NEGR1: variants seen among roughly 807,000 people sequenced by gnomAD.
NEGR1 encodes IgLON family member 4.
In NEGR1, 10 loss-of-function variants were observed where a neutral mutation model predicts 40.9. That is an observed-to-expected ratio of 0.24 (90% CI 0.15 to 0.42). The LOEUF (loss-of-function observed/expected upper bound fraction) is 0.42. NEGR1 is among the 10% of genes least tolerant of loss of function. NEGR1 has a pLI of 1.00. For missense variants in NEGR1, 352 were observed against 438.9 expected, an observed-to-expected ratio of 0.80 and a Z score of 1.77; for synonymous variants, 185 against 166.8, an observed-to-expected ratio of 1.11 and a Z score of -0.84.
chr1:71,632,418 A>G (rs907990720), intron 4 of NEGR1, among the ~76,000 whole-genome samples: 1 of 151,246 alleles, frequency 6.6e-6, no homozygotes, highest in Non-Finnish European at 1.5e-5. Flanking sequence ...CACCTTTAAC[A>G]TTACTCTTAT....
intron 1 of NEGR1, among the ~76,000 whole-genome samples, chr1:72,155,633 C>A (rs538352548): frequency 1.3e-5 from 2 of 152,126 alleles, no homozygotes; most frequent in East Asian, 1.9e-4. Flanking sequence ...CTGAACCATG[C>A]AGAATCTATT....
At chr1:71,529,146 G>A (rs1647286087) in intron 6 of NEGR1, among the ~76,000 whole-genome samples, 2 of 151,092 alleles carry the variant, frequency 1.3e-5, no homozygotes, top group Admixed American at 6.6e-5. Flanking sequence ...ACAAAGTAAG[G>A]ACAGATGCTA....
At chr1:71,931,540 C>T (rs757789156) in intron 2 of NEGR1, among the ~76,000 whole-genome samples, 1 of 152,084 alleles carries the variant, frequency 6.6e-6, no homozygotes, top group Admixed American at 6.6e-5. Flanking sequence ...CATCCCATGA[C>T]AGAAAACAGA....
intron 1 of NEGR1, among the ~76,000 whole-genome samples, chr1:71,966,901 G>A (rs1646214213): frequency 6.6e-6 from 1 of 152,092 alleles, no homozygotes; most frequent in Admixed American, 6.5e-5. Flanking sequence ...AAGAAAATAA[G>A]CAGCTTTTAC....
chr1:72,262,306 C>T (rs533842416), intron 1 of NEGR1, among the ~76,000 whole-genome samples: 37 of 152,148 alleles, frequency 2.4e-4, no homozygotes, highest in South Asian at 1.7e-3. Flanking sequence ...TGTGCCCTGC[C>T]TGAGTTCTGG....
chr1:71,568,290 C>A (rs1648687152), intron 6 of NEGR1, among the ~76,000 whole-genome samples: 1 of 152,144 alleles, frequency 6.6e-6, no homozygotes, highest in Non-Finnish European at 1.5e-5. Flanking sequence ...CTATCTTAAA[C>A]CACAAAGTAT....
At chr1:71,670,553 C>T (rs929024601) in intron 4 of NEGR1, among the ~76,000 whole-genome samples, 1 of 151,286 alleles carries the variant, frequency 6.6e-6, no homozygotes, top group Non-Finnish European at 1.5e-5. Context: ...TAAGTTGTAA[C>T]AGTTTTTTAC....
At position 71,898,981 on chromosome 1, in the gene NEGR1, CATATATATAT is replaced by C. The variant is rs55674579; in HGVS notation, c.409+36088_409+36097del. ...ATATATAGCATATATATATATATAG[CATATATATAT>C]ATATATATATATATATATATATATG... On this transcript the variant is annotated intron_variant, in intron 2 of 6. Transcript: ENST00000357731. 7.2e-4 allele frequency among the ~76,000 whole-genome samples: 37 copies of C among 51,302 alleles called. 2 individuals are homozygous for C. Among genetic ancestry groups the C allele is most frequent in the South Asian group, 2.6e-3 (4 of 1,528 alleles). 33.7% of individuals were successfully genotyped at this position (51,302 alleles called of 152,430 possible). A position where few individuals can be genotyped will look rare whatever the true frequency, so the allele number is the denominator to read the frequency against.
chr1:72,223,772 T>C (rs1654087271), intron 1 of NEGR1, among the ~76,000 whole-genome samples: 1 of 152,158 alleles, frequency 6.6e-6, no homozygotes. Context: ...AAATACTATT[T>C]ATTAAGTCAA....
intron 6 of NEGR1, among the ~76,000 whole-genome samples, chr1:71,530,967 T>C (rs769994698): frequency 2.6e-5 from 4 of 151,282 alleles, no homozygotes; most frequent in Non-Finnish European, 4.4e-5. Flanking sequence ...GGAACACTTA[T>C]AGTTACTTTA....
At chr1:71,843,457 T>A (rs559280796) in intron 2 of NEGR1, among the ~76,000 whole-genome samples, 1 of 152,236 alleles carries the variant, frequency 6.6e-6, no homozygotes, top group South Asian at 2.1e-4. Flanking sequence ...TCAAACCAGG[T>A]GATTTTTCCC....
intron 1 of NEGR1, among the ~76,000 whole-genome samples, chr1:72,178,066 A>G (rs1015536906): frequency 5.9e-5 from 9 of 152,070 alleles, no homozygotes; most frequent in Non-Finnish European, 1.3e-4. Context: ...AACAGACTAC[A>G]AAGAATTCAT....
At chr1:72,127,463 CAAAAAAAAAAAAAA>C (rs56301492) in intron 1 of NEGR1, among the ~76,000 whole-genome samples, 1 of 39,304 alleles carries the variant, frequency 2.5e-5, no homozygotes, top group South Asian at 2.0e-3. Context: ...GGCTCTGTCT[CAAAAAAAAAAAAAA>C]AAAAAAAAAA....
At chr1:71,599,425 A>G (rs1006534938) in intron 5 of NEGR1, among the ~76,000 whole-genome samples, 9 of 152,240 alleles carry the variant, frequency 5.9e-5, no homozygotes, top group African/African-American at 1.9e-4. Flanking sequence ...CTTTTCACAG[A>G]TTTAACAAAA....
intron 1 of NEGR1, among the ~76,000 whole-genome samples, chr1:71,989,055 GT>G (rs1054444586): frequency 6.7e-6 from 1 of 149,370 alleles, no homozygotes; most frequent in African/African-American, 2.5e-5. Context: ...TTATTTTTAT[GT>G]TTTTTTCCAC....
chr1:72,175,596 G>C (rs904239968), intron 1 of NEGR1, among the ~76,000 whole-genome samples: 2 of 151,940 alleles, frequency 1.3e-5, no homozygotes, highest in Non-Finnish European at 2.9e-5. Flanking sequence ...AGTTCCATTA[G>C]TCAAAGGGCT....
chr1:71,498,836 A>C (rs757717552), intron 6 of NEGR1, among the ~76,000 whole-genome samples: 7 of 152,150 alleles, frequency 4.6e-5, no homozygotes, highest in Non-Finnish European at 1.0e-4. Flanking sequence ...CTACTTCACT[A>C]TAGGGAATAT....
At chr1:71,777,146 A>C (rs1557648460) in intron 2 of NEGR1, among the ~76,000 whole-genome samples, 1 of 152,144 alleles carries the variant, frequency 6.6e-6, no homozygotes, top group Non-Finnish European at 1.5e-5. Context: ...TTCTTTGAGA[A>C]ACCAAATGTC....
chr1:72,013,461 G>C (rs1646678060), intron 1 of NEGR1, among the ~76,000 whole-genome samples: 1 of 151,948 alleles, frequency 6.6e-6, no homozygotes, highest in Non-Finnish European at 1.5e-5. Context: ...AACATATTAG[G>C]GGGTAAAATA....
Sources: gnomAD v4.1 joint callset for allele counts (sites outside exome capture counted in the v4.1 genomes callset) on GRCh38, gnomAD v4.1.1 for gene constraint, MANE v1.5 for transcripts, NCBI Gene and HGNC (gene_info 2026-07-23, HGNC 2026-07-21) for gene names.